The following DLEU7 variants were observed in gnomAD, a reference collection of about 807,000 sequenced individuals.
DLEU7 encodes the protein leukemia-associated protein 7.
In DLEU7, 17 loss-of-function variants were observed where a neutral mutation model predicts 16.0. The observed-to-expected ratio is 1.06, with a 90% CI of 0.73 to 1.59. DLEU7 has a LOEUF of 1.59. Ranked by LOEUF, DLEU7 falls within the 40% of genes most tolerant of loss-of-function variation. The pLI is 0.00. For synonymous variants in DLEU7, 113 were observed against 139.8 expected (o/e 0.81, Z 1.35); for missense variants, 308 against 314.9 (o/e 0.98, Z 0.17).
At chr13:50,767,290 C>T (rs1161662587) in intron 1 of DLEU7, among the ~76,000 whole-genome samples, 2 of 151,928 alleles carry the variant, frequency 1.3e-5, no homozygotes, top group Non-Finnish European at 2.9e-5. Context: ...CCCGACTCTA[C>T]TAAAAAATAC....
In DLEU7 at chr13:50,768,358, C is replaced by T. The variant is rs375026457; in HGVS notation, c.460-55118G>A. Among the ~76,000 whole-genome samples the T allele has an allele frequency of 9.5e-4, 144 of 152,012 alleles. No individual in the cohort carries two copies. In the Middle Eastern group the frequency reaches 0.01, roughly 11 times the overall value. ...TGTGCAGGTTTGTTACATAGGTATA[C>T]ATGTGCCATGTTGGTGTGCTGCACC... On this transcript the variant is annotated intron_variant, in intron 1 of 1. Transcript: ENST00000400393.
chr13:50,772,654 TC>T (rs1332513078), intron 1 of DLEU7, among the ~76,000 whole-genome samples: 1 of 152,228 alleles, frequency 6.6e-6, no homozygotes, highest in African/African-American at 2.4e-5. Flanking sequence ...CTGATGGGCT[TC>T]CCTTTGTGGG....
intron 1 of DLEU7, among the ~76,000 whole-genome samples, chr13:50,744,349 T>C (rs1874331567): frequency 6.6e-6 from 1 of 152,222 alleles, no homozygotes; most frequent in Non-Finnish European, 1.5e-5. Flanking sequence ...CTTTCATTTG[T>C]CTTTTCGGTT....
chr13:50,717,741 T>G (rs1731912194), intron 1 of DLEU7, among the ~76,000 whole-genome samples: 1 of 152,116 alleles, frequency 6.6e-6, no homozygotes, highest in Admixed American at 6.5e-5. Flanking sequence ...CTGAAAGACT[T>G]CCATTTCTGC....
rs981500754 is a variant in DLEU7, at chr13:50,823,110, T to C, written c.*204A>G. The C allele has an allele frequency of 2.2e-6, 3 of 1,367,522 alleles. No individual in the cohort carries two copies. The African/African-American group carries it at 4.4e-5, about 20-fold the overall frequency. 84.7% of individuals were successfully genotyped at this position (1,367,522 alleles called of 1,614,324 possible). On this transcript the variant is annotated 3_prime_UTR_variant, in exon 2 of 2. Coordinates refer to ENST00000504404, the MANE Select transcript of DLEU7 (RefSeq NM_001306135.2). ...AAATAGGTCAATATACTTAAAAATA[T>C]GAACTACTGCTTTAAAAAAATTTCA...
At chr13:50,777,541 C>G (rs1406708519) in intron 1 of DLEU7, among the ~76,000 whole-genome samples, 1 of 152,280 alleles carries the variant, frequency 6.6e-6, no homozygotes. Context: ...ACCTTGTGAT[C>G]ATGTGAGTTT....
intron 1 of DLEU7, among the ~76,000 whole-genome samples, chr13:50,750,599 G>C (rs1055414109): frequency 6.6e-6 from 1 of 152,100 alleles, no homozygotes; most frequent in African/African-American, 2.4e-5. Context: ...TGTTATCTAT[G>C]ATTTCTTTCA....
intron 1 of DLEU7, among the ~76,000 whole-genome samples, chr13:50,811,006 T>C (rs1876546815): frequency 6.6e-6 from 1 of 151,928 alleles, no homozygotes; most frequent in African/African-American, 2.4e-5. Flanking sequence ...TTCCTAGGGG[T>C]TCCATGCAGG....
Position 50,792,220 on chromosome 13 carries a change from A to G in DLEU7, c.459+50968T>C, listed in dbSNP as rs575085863. 9.8e-5 allele frequency among the ~76,000 whole-genome samples: 15 copies of G among 152,342 alleles called. 1 individual carries two copies. In the South Asian group the frequency reaches 3.1e-3, roughly 32 times the overall value. On this transcript the variant is annotated intron_variant, in intron 1 of 1. Transcript: ENST00000400393. ...TGCCAGTATTTTGTGTCAAATCAGTAGGAATATCTTTGCAATGGCTCATGT... is the reference window on the plus strand; with the variant it reads ...TGCCAGTATTTTGTGTCAAATCAGTGGGAATATCTTTGCAATGGCTCATGT...
chr13:50,734,868 C>T (rs2761853), intron 1 of DLEU7, among the ~76,000 whole-genome samples: 31,298 of 151,956 alleles, frequency 0.21, 3,961 homozygotes, highest in African/African-American at 0.36. Context: ...TAATAAACTT[C>T]AAACAAAATA....
At chr13:50,829,843 A>T (rs1877206461) in intron 1 of DLEU7, among the ~76,000 whole-genome samples, 1 of 152,156 alleles carries the variant, frequency 6.6e-6, no homozygotes, top group South Asian at 2.1e-4. Context: ...TCCAATAATC[A>T]TTGCCTTCGA....
In DLEU7 at chr13:50,843,441, C is replaced by T. The variant is rs2137822001; in HGVS notation, c.206G>A (p.Gly69Asp). 2 of 1,326,574 alleles carry T rather than the reference C, an allele frequency of 1.5e-6. No homozygotes were observed. The highest frequency in any genetic ancestry group is 3.1e-5 in the East Asian group (1 of 31,996). 82.2% of individuals were successfully genotyped at this position (1,326,574 alleles called of 1,614,324 possible). ...ARPGPGREER[G>D]GGVGTRSRRT... ...CCGACTCCTGGTCCCCACGCCCCCGCCCCGCTCCTCGCGCCCGGGCCCCGG... is the reference window on the plus strand; with the variant it reads ...CCGACTCCTGGTCCCCACGCCCCCGTCCCGCTCCTCGCGCCCGGGCCCCGG... The change falls in exon 1 of 2, where the codon GGC (glycine) becomes GAC (aspartate). Residue 69 changes from glycine (G) to aspartate (D), a missense_variant. Physicochemically the swap from Gly to Asp is moderately conservative, Grantham distance 94. Transcript: ENST00000504404. The surrounding 1 kb of genome is among the most constrained non-coding windows in gnomAD (Gnocchi z 5.7).
chr13:50,839,832 C>T (rs1877587813), intron 1 of DLEU7, among the ~76,000 whole-genome samples: 1 of 152,164 alleles, frequency 6.6e-6, no homozygotes, highest in Non-Finnish European at 1.5e-5. Context: ...TGGAGATTAA[C>T]TTTGGGAAGC....
In DLEU7 at chr13:50,774,423, T is replaced by A. The variant is rs569105876; in HGVS notation, c.460-61183A>T. 2.5e-4 allele frequency among the ~76,000 whole-genome samples: 38 copies of A among 152,332 alleles called. 1 individual carries two copies. Among genetic ancestry groups the A allele is most frequent in the African/African-American group, 8.4e-4 (35 of 41,572 alleles). ...GGAATGGATCCTCCATTCATGATTT[T>A]AAAGATATTTTTCCATGTCTTCTAG... On this transcript the variant is annotated intron_variant, in intron 1 of 1. Transcript: ENST00000400393.
chr13:50,784,106 T>G (rs182851114), intron 1 of DLEU7, among the ~76,000 whole-genome samples: 78 of 152,382 alleles, frequency 5.1e-4, no homozygotes, highest in African/African-American at 1.8e-3. Context: ...TGTCTAGAGC[T>G]GTGAGATGTT....
At chr13:50,819,050 C>T (rs181667349), downstream of DLEU7, among the ~76,000 whole-genome samples, 2 of 152,130 alleles carry the variant, frequency 1.3e-5, no homozygotes, top group Non-Finnish European at 2.9e-5. Flanking sequence ...TTGGGGCCAC[C>T]ATTTAGCCAC....
chr13:50,780,696 T>C (rs533599111), intron 1 of DLEU7, among the ~76,000 whole-genome samples: 4 of 152,258 alleles, frequency 2.6e-5, no homozygotes, highest in African/African-American at 9.6e-5. Flanking sequence ...TCATCATTGG[T>C]CCTTTCCCAA....
intron 1 of DLEU7, among the ~76,000 whole-genome samples, chr13:50,739,970 A>G (rs1356162911): frequency 6.6e-6 from 1 of 151,880 alleles, no homozygotes; most frequent in Non-Finnish European, 1.5e-5. Context: ...TAGGGCATAT[A>G]GAGAGAGAAT....
intron 1 of DLEU7, chr13:50,840,234 C>A (rs1316628359): frequency 1.3e-5 from 2 of 152,126 alleles, no homozygotes; most frequent in Admixed American, 1.3e-4. Context: ...TCTGTATGTT[C>A]CCAATTTAAA....
Sources: gnomAD v4.1 joint callset for allele counts (sites outside exome capture counted in the v4.1 genomes callset) on GRCh38, gnomAD v4.1.1 for gene constraint, Gnocchi (gnomAD v3.1) non-coding constraint, MANE v1.5 for transcripts, NCBI Gene and HGNC (gene_info 2026-07-23, HGNC 2026-07-21) for gene names.